Variants in RUNX1 observed in about 807,000 individuals in gnomAD.
RUNX1 encodes the protein RUNX family transcription factor 1.
Under a neutral mutation model 42.8 loss-of-function variants are expected in RUNX1, and 19 were observed. The ratio of observed to expected loss-of-function variants is 0.44; its 90% CI spans 0.31 to 0.65. The LOEUF is 0.65. Among genes scored for constraint, RUNX1 ranks in the 30% least tolerant of loss-of-function variants. The pLI is 0.07. For missense variants in RUNX1, 528 were observed against 672.0 expected (o/e 0.79, Z 2.37); for synonymous variants, 271 against 289.4 (o/e 0.94, Z 0.64).
chr21:34,803,081 T>TA (rs1232982592), intron 7 of RUNX1, among the ~76,000 whole-genome samples: 31 of 152,208 alleles, frequency 2.0e-4, no homozygotes, highest in African/African-American at 7.5e-4. Context: ...GCTCAAGTAA[T>TA]AGTGTTTTGT....
intron 2 of RUNX1, among the ~76,000 whole-genome samples, chr21:35,026,566 T>C (rs1199967803): frequency 6.6e-6 from 1 of 152,224 alleles, no homozygotes; most frequent in Admixed American, 6.5e-5. Flanking sequence ...GGTCAAAGCA[T>C]TACATACTGC....
intron 5 of RUNX1, among the ~76,000 whole-genome samples, chr21:34,869,476 G>A (rs1020451912): frequency 1.3e-5 from 2 of 152,062 alleles, no homozygotes; most frequent in African/African-American, 2.4e-5. Context: ...TCATCATTAC[G>A]AATCAAAGGA....
chr21:35,014,985 G>A (rs1215844930), intron 2 of RUNX1, among the ~76,000 whole-genome samples: 1 of 152,256 alleles, frequency 6.6e-6, no homozygotes, highest in East Asian at 1.9e-4. Context: ...AGCTGTCCTG[G>A]TAGGAACTGA....
intron 2 of RUNX1, among the ~76,000 whole-genome samples, chr21:34,915,251 T>G (rs1404695174): frequency 6.6e-6 from 1 of 152,238 alleles, no homozygotes; most frequent in Non-Finnish European, 1.5e-5. Context: ...TGGAAACATC[T>G]TAAATTCTGA....
Position 34,799,442 on chromosome 21 carries a change from A to C in RUNX1, c.826T>G (p.Ser276Ala), listed in dbSNP as rs1397817592. 6.2e-7 allele frequency: 1 copy of C among 1,614,120 alleles called. No homozygotes were observed. Among genetic ancestry groups the C allele is most frequent in the African/African-American group, 1.3e-5 (1 of 75,036 alleles). ...GACTGATCGTAGGACCACGGTGGGG[A>C]TGGTTGGATCTGCCTTGTATCTGAA... ...QMQDTRQIQP[S>A]PPWSYDQSYQ... The change falls in exon 8 of 9, where the codon TCC (serine) becomes GCC (alanine). Residue 276 changes from serine (S) to alanine (A), a missense_variant. Around this residue, in one of 3 missense-constraint regions of RUNX1, gnomAD observed 331 missense variants for 382.5 expected, o/e 0.87. Transcript: ENST00000675419.
rs1352217442 is a variant in RUNX1 at position 34,791,334 on chromosome 21, T to G, written c.*801A>C. 1.3e-5 allele frequency: 3 copies of G among 231,794 alleles called. No homozygotes were observed. The highest frequency in any genetic ancestry group is 1.7e-5 in the Non-Finnish European group (2 of 116,978). 14.4% of individuals were successfully genotyped at this position (231,794 alleles called of 1,614,324 possible). On this transcript the variant is annotated 3_prime_UTR_variant, in exon 9 of 9. Coordinates refer to ENST00000675419, the MANE Select transcript of RUNX1 (RefSeq NM_001754.5). Reference sequence around the variant, plus strand: ...AAGTACATTTAAATAATTAAAAAATTATCAACACATAAATGTCTGAACATC... The same window carrying G: ...AAGTACATTTAAATAATTAAAAAATGATCAACACATAAATGTCTGAACATC...
chr21:35,020,504 G>A lies in RUNX1; in HGVS notation c.58+28338C>T, dbSNP rs536187919. On this transcript the variant is annotated intron_variant, in intron 2 of 8. Coordinates refer to ENST00000675419, the MANE Select transcript of RUNX1 (RefSeq NM_001754.5). ...AAGCAAGCAGAGGTGAGATCTGGGAGGATAAAGTAGAAGGCAATGAGACCC... is the reference window on the plus strand; with the variant it reads ...AAGCAAGCAGAGGTGAGATCTGGGAAGATAAAGTAGAAGGCAATGAGACCC... Among the ~76,000 whole-genome samples the A allele has an allele frequency of 4.6e-5, 7 of 152,236 alleles. No individual in the cohort carries two copies. In the South Asian group the frequency reaches 1.2e-3, roughly 27 times the overall value.
intron 3 of RUNX1, among the ~76,000 whole-genome samples, chr21:34,892,074 A>G (rs2058086489): frequency 6.6e-6 from 1 of 152,348 alleles, no homozygotes; most frequent in South Asian, 2.1e-4. Flanking sequence ...TGCGAGCAAT[A>G]TATTTCCAAA....
intron 2 of RUNX1, among the ~76,000 whole-genome samples, chr21:34,946,863 G>T (rs568403693): frequency 1.3e-5 from 2 of 152,350 alleles, no homozygotes; most frequent in East Asian, 3.8e-4. Context: ...GGCATCACAT[G>T]TCGCTGAGCT....
At chr21:34,861,579 C>T (rs1433951377) in intron 5 of RUNX1, among the ~76,000 whole-genome samples, 3 of 152,074 alleles carry the variant, frequency 2.0e-5, no homozygotes, top group East Asian at 3.9e-4. Context: ...CTAATAAGAC[C>T]CTGCCCCAAG....
chr21:35,043,269 AC>A (rs2059372949), intron 2 of RUNX1, among the ~76,000 whole-genome samples: 1 of 152,108 alleles, frequency 6.6e-6, no homozygotes, highest in Non-Finnish European at 1.5e-5. Context: ...AGAAAGACAT[AC>A]CTCTTTGCCT....
chr21:35,038,661 G>T (rs1320689257), intron 2 of RUNX1: 2 of 455,626 alleles, frequency 4.4e-6, no homozygotes, highest in Non-Finnish European at 8.8e-6. Flanking sequence ...TAGAGAGAGA[G>T]AGAGAGAGAG....
chr21:34,826,434 C>CTTTTT (rs772880673), intron 7 of RUNX1, among the ~76,000 whole-genome samples: 1,119 of 105,194 alleles, frequency 0.011, 4 homozygotes, highest in Non-Finnish European at 0.015. Context: ...TTCTTTCTTT[C>CTTTTT]TTTTTTTTTT....
intron 2 of RUNX1, among the ~76,000 whole-genome samples, chr21:34,931,984 T>C (rs913575309): frequency 2.0e-5 from 3 of 152,024 alleles, no homozygotes; most frequent in Admixed American, 6.6e-5. Flanking sequence ...AACTTGGCCA[T>C]ATGTAAGATG....
chr21:35,025,990 AGCT>A (rs934785703), intron 2 of RUNX1, among the ~76,000 whole-genome samples: 14 of 152,172 alleles, frequency 9.2e-5, no homozygotes, highest in Non-Finnish European at 1.5e-5. Context: ...AGCACTGGGT[AGCT>A]GGAACAACTG....
intron 6 of RUNX1, among the ~76,000 whole-genome samples, chr21:34,858,349 G>T (rs2057524115): frequency 6.6e-6 from 1 of 152,206 alleles, no homozygotes; most frequent in Non-Finnish European, 1.5e-5. Context: ...AGGGATGAAA[G>T]CAGGGATGCC....
chr21:34,994,960 T>C (rs1223279730), intron 2 of RUNX1, among the ~76,000 whole-genome samples: 3 of 152,334 alleles, frequency 2.0e-5, no homozygotes, highest in Admixed American at 2.0e-4. Context: ...TGCAGGCAAG[T>C]GTCTTGGAGC....
intron 2 of RUNX1, among the ~76,000 whole-genome samples, chr21:34,932,649 C>A (rs1191210516): frequency 6.6e-6 from 1 of 152,120 alleles, no homozygotes; most frequent in Non-Finnish European, 1.5e-5. Flanking sequence ...ATATTATACC[C>A]CTTCTACTGA....
intron 7 of RUNX1, among the ~76,000 whole-genome samples, chr21:34,816,001 G>A (rs571989189): frequency 3.3e-5 from 5 of 152,222 alleles, no homozygotes; most frequent in African/African-American, 1.2e-4. Context: ...AAACAAGAAG[G>A]GAAATGGCCC....
Sources: allele counts gnomAD v4.1 joint callset (sites outside exome capture counted in the v4.1 genomes callset), GRCh38; gene constraint gnomAD v4.1.1; regional missense constraint gnomAD v4.1.1; transcripts MANE v1.5; gene names NCBI Gene and HGNC (gene_info 2026-07-23, HGNC 2026-07-21).